The following ANKRD30B variants were observed in gnomAD, a reference collection of about 807,000 sequenced individuals.
The protein encoded by ANKRD30B is ankyrin repeat domain-containing protein 30B.
ANKRD30B carries 144 observed loss-of-function variants against 202.2 expected under a neutral mutation model. The observed-to-expected ratio is 0.71, with a 90% CI of 0.62 to 0.82. The LOEUF is 0.82. Among genes scored for constraint, ANKRD30B ranks in the 40% least tolerant of loss-of-function variants. ANKRD30B has a pLI of 0.00. For synonymous variants in ANKRD30B, 508 were observed against 561.3 expected (o/e 0.91, Z 1.34); for missense variants, 1,487 against 1,669.1 (o/e 0.89, Z 1.90).
At chr18:14,799,184 A>G in intron 21 of ANKRD30B, 39 bp from the exon 22 acceptor site, 2 of 1,586,732 alleles carry the variant, frequency 1.3e-6, no homozygotes, top group Non-Finnish European at 8.6e-7. Context: ...TATGAAGTAT[A>G]CATTATATGT....
chr18:14,770,297 C>G (rs1304400185), intron 8 of ANKRD30B, among the ~76,000 whole-genome samples: 1 of 152,100 alleles, frequency 6.6e-6, no homozygotes, highest in Non-Finnish European at 1.5e-5. Flanking sequence ...AATCAAAATA[C>G]TTTCATATTT....
intron 30 of ANKRD30B, among the ~76,000 whole-genome samples, chr18:14,821,857 C>G (rs1450982881): frequency 1.3e-5 from 2 of 152,128 alleles, no homozygotes; most frequent in Admixed American, 1.3e-4. Flanking sequence ...TATAAAAATA[C>G]TCGTATTTCA....
Position 14,752,941 on chromosome 18 carries a change from G to A in ANKRD30B, c.439G>A (p.Val147Ile), listed in dbSNP as rs752127097. 1.2e-5 allele frequency: 20 copies of A among 1,603,328 alleles called. No homozygotes were observed. The highest frequency in any genetic ancestry group is 1.7e-4 in the Middle Eastern group (1 of 6,056). ...VYGNTALHYA[V>I]YSENLLMVAT... The stretch of plus-strand genomic sequence containing the variant: ...TGGCAACACGGCTCTCCATTATGCC[G>A]TTTATAGTGAGAATTTGTTAATGGT... Residue 147 changes from valine to isoleucine, a missense_variant, in exon 3 of 44, where the codon GTT becomes ATT. Val to Ile is a conservative substitution (Grantham distance 29, BLOSUM62 3). Around this residue, in one of 6 missense-constraint regions of ANKRD30B, gnomAD observed 889 missense variants for 841.4 expected, o/e 1.06. Transcript: ENST00000690538.
intron 37 of ANKRD30B, 151 bp from the exon 38 acceptor site, chr18:14,842,746 C>T (rs1971467646): frequency 5.5e-6 from 4 of 723,566 alleles, no homozygotes; most frequent in Non-Finnish European, 9.0e-6. Context: ...TGTGATTGTC[C>T]TAAAGAAACA....
chr18:14,790,820 A>G (rs879147718), intron 15 of ANKRD30B, among the ~76,000 whole-genome samples: 5 of 152,006 alleles, frequency 3.3e-5, no homozygotes, highest in Admixed American at 1.3e-4. Flanking sequence ...TTTTGCATCA[A>G]TGTTCATCAG....
At chr18:14,887,514 G>T in the ANKRD30B span, among the ~76,000 whole-genome samples, 1 of 151,768 alleles carries the variant, frequency 6.6e-6, no homozygotes, top group African/African-American at 2.4e-5. Flanking sequence ...TGTGGTGAAA[G>T]ATTTTTTACA....
At chr18:14,900,343 C>G in the ANKRD30B span, among the ~76,000 whole-genome samples, 3 of 152,230 alleles carry the variant, frequency 2.0e-5, no homozygotes, top group East Asian at 3.9e-4. Context: ...TGTCATGTAA[C>G]TTTTCCATCT....
At chr18:14,749,248 C>T (rs568763481) in intron 1 of ANKRD30B, among the ~76,000 whole-genome samples, 67 of 152,278 alleles carry the variant, frequency 4.4e-4, no homozygotes, top group African/African-American at 1.5e-3. Flanking sequence ...TTTACATAAA[C>T]CAAATAAAGC....
intron 30 of ANKRD30B, chr18:14,816,396 A>C (rs1400088284): frequency 6.6e-6 from 1 of 152,174 alleles, no homozygotes; most frequent in Non-Finnish European, 1.5e-5. Context: ...CTGTAATCCC[A>C]GCCCTTTGGG....
Position 14,824,619 on chromosome 18 carries a change from T to C in ANKRD30B, c.2743+1942T>C, listed in dbSNP as rs139700887. ...TATGTAAATAAACTTGTGTTTCTGC[T>C]GTAAGAAAGAAAAAATAATTTCTAT... On this transcript the variant is annotated intron_variant, in intron 32 of 43. Coordinates refer to ENST00000690538, the MANE Select transcript of ANKRD30B (RefSeq NM_001367607.2). Among the ~76,000 whole-genome samples the C allele has an allele frequency of 3.3e-3, 508 of 152,328 alleles. 4 individuals carry two copies. The highest frequency in any genetic ancestry group is 0.012 in the African/African-American group (489 of 41,562).
intron 11 of ANKRD30B, among the ~76,000 whole-genome samples, chr18:14,780,296 T>C (rs1967639221): frequency 6.6e-6 from 1 of 151,956 alleles, no homozygotes. Flanking sequence ...AAATACAAAA[T>C]TAGTTGGATG....
the ANKRD30B span, among the ~76,000 whole-genome samples, chr18:14,926,697 G>A: frequency 6.6e-6 from 1 of 152,094 alleles, no homozygotes; most frequent in African/African-American, 2.4e-5. Context: ...GGCCATGGTG[G>A]GAGGATCACT....
At chr18:14,817,737 A>C (rs1373518171) in intron 30 of ANKRD30B, among the ~76,000 whole-genome samples, 1 of 152,208 alleles carries the variant, frequency 6.6e-6, no homozygotes, top group Non-Finnish European at 1.5e-5. Context: ...TGGTATCATT[A>C]TATATGAAAT....
intron 40 of ANKRD30B, among the ~76,000 whole-genome samples, chr18:14,849,973 C>T (rs1971814555): frequency 6.6e-6 from 1 of 151,218 alleles, no homozygotes. Flanking sequence ...TAACAGTTGT[C>T]AAAGTTACTA....
At chr18:14,854,953 GA>G (rs1376506554), downstream of ANKRD30B, among the ~76,000 whole-genome samples, 1 of 152,048 alleles carries the variant, frequency 6.6e-6, no homozygotes, top group Non-Finnish European at 1.5e-5. Flanking sequence ...GTTTCTTGGA[GA>G]GGGGGATGTG....
intron 42 of ANKRD30B, among the ~76,000 whole-genome samples, chr18:14,853,244 G>T (rs1971960198): frequency 6.6e-6 from 1 of 152,016 alleles, no homozygotes. Flanking sequence ...TATTAGCTTT[G>T]CATTGGATCC....
Position 14,842,947 on chromosome 18 carries a change from T to A in ANKRD30B, c.3108+22T>A, listed in dbSNP as rs1436211117. On this transcript the variant is annotated intron_variant, in intron 38 of 43. Transcript: ENST00000690538. ...TGAGGTATTGAGTTTTATAATTTTA[T>A]CTTGCATTATTTATTAACTATGTAT... 5.8e-6 allele frequency: 9 copies of A among 1,545,290 alleles called. No individual in the cohort carries two copies. In the South Asian group the frequency reaches 9.6e-5, roughly 17 times the overall value.
chr18:14,776,282 A>G (rs1967346178), intron 9 of ANKRD30B, among the ~76,000 whole-genome samples: 1 of 152,232 alleles, frequency 6.6e-6, no homozygotes, highest in Non-Finnish European at 1.5e-5. Context: ...ATGCTGTAGT[A>G]GTAGGAAGAG....
the ANKRD30B span, among the ~76,000 whole-genome samples, chr18:14,886,654 G>A: frequency 6.6e-6 from 1 of 152,050 alleles, no homozygotes; most frequent in Non-Finnish European, 1.5e-5. Context: ...CTTTCAAAAT[G>A]AAGATTAGTT....
Sources: allele counts gnomAD v4.1 joint callset (sites outside exome capture counted in the v4.1 genomes callset), GRCh38; gene constraint gnomAD v4.1.1; regional missense constraint gnomAD v4.1.1; transcripts MANE v1.5; gene names NCBI Gene and HGNC (gene_info 2026-07-23, HGNC 2026-07-21).